MICAL3: variants seen among roughly 807,000 people sequenced by gnomAD.
MICAL3 encodes the protein microtubule associated monooxygenase, calponin and LIM domain containing 3, also known as [F-actin]-monooxygenase MICAL3.
MICAL3 carries 62 observed loss-of-function variants against 207.4 expected under a neutral mutation model. The ratio of observed to expected loss-of-function variants is 0.30; its 90% CI spans 0.24 to 0.37. The LOEUF (loss-of-function observed/expected upper bound fraction) is 0.37. MICAL3 is among the 10% of genes least tolerant of loss of function. MICAL3 has a pLI of 1.00. For synonymous variants in MICAL3, 1,077 were observed against 1,069.3 expected (o/e 1.01, Z -0.14); for missense variants, 2,368 against 2,635.6 (o/e 0.90, Z 2.22).
At chr22:17,878,019 A>AT (rs1056485518) in intron 16 of MICAL3, among the ~76,000 whole-genome samples, 4 of 151,950 alleles carry the variant, frequency 2.6e-5, no homozygotes, top group South Asian at 2.1e-4. Flanking sequence ...TGCCTGGCTA[A>AT]TTTTTTTGTA....
intron 29 of MICAL3, among the ~76,000 whole-genome samples, chr22:17,801,314 G>A (rs2061937174): frequency 9.6e-6 from 1 of 104,496 alleles, no homozygotes; most frequent in South Asian, 3.1e-4. Context: ...CACTACGCCC[G>A]GCTAATTTTT....
chr22:18,014,116 GACAC>G (rs35404796), intron 1 of MICAL3, among the ~76,000 whole-genome samples: 3 of 148,022 alleles, frequency 2.0e-5, no homozygotes, highest in Admixed American at 6.8e-5. Flanking sequence ...CCCTCTCTTA[GACAC>G]ACACACACAC....
In MICAL3 at chr22:17,788,183, C is replaced by G. The variant is rs1398567713; in HGVS notation, c.*2549G>C. The stretch of plus-strand genomic sequence containing the variant: ...CAAACTAGTGGTTACAAAATGGGAG[C>G]TTTAAAAAAAGTGCTCTACTAGAAC... On this transcript the variant is annotated 3_prime_UTR_variant, in exon 32 of 32. Coordinates refer to ENST00000441493, the MANE Select transcript of MICAL3 (RefSeq NM_015241.3). 2.0e-5 allele frequency: 3 copies of G among 152,258 alleles called. No individual in the cohort carries two copies. Among genetic ancestry groups the G allele is most frequent in the African/African-American group, 7.2e-5 (3 of 41,468 alleles). The allele number at this position is 152,258 out of a possible 1,614,324, so 9.4% of individuals were successfully genotyped here. A position where few individuals can be genotyped will look rare whatever the true frequency, so the allele number is the denominator to read the frequency against.
intron 20 of MICAL3, chr22:17,834,464 C>T (rs185422321): frequency 1.3e-5 from 17 of 1,280,480 alleles, no homozygotes; most frequent in African/African-American, 1.1e-4. Flanking sequence ...ATCTGTGATC[C>T]CAGCACTGTG....
rs202083939 is a variant in MICAL3, at chr22:17,872,830, C to T, written c.2242-807G>A. ...ATCTGCTCAGCCAATGAGCTCACTC[C>T]GCCCGTGTACATCTTTATATACTTC... is the stretch of plus-strand genomic sequence containing the variant. On this transcript the variant is annotated intron_variant, in intron 16 of 31. Coordinates refer to ENST00000441493, the MANE Select transcript of MICAL3 (RefSeq NM_015241.3). 7.2e-4 allele frequency: 1,161 copies of T among 1,611,260 alleles called. 1 individual carries two copies. Among genetic ancestry groups the T allele is most frequent in the Non-Finnish European group, 8.8e-4 (1,034 of 1,177,432 alleles).
chr22:17,951,063 G>A (rs1349843828), intron 1 of MICAL3, among the ~76,000 whole-genome samples: 1 of 152,208 alleles, frequency 6.6e-6, no homozygotes, highest in African/African-American at 2.4e-5. Context: ...TCTCCAACTG[G>A]GCATCTGGTG....
At chr22:17,826,386 A>G in intron 22 of MICAL3, 1 of 876,314 alleles carries the variant, frequency 1.1e-6, no homozygotes, top group Non-Finnish European at 1.4e-6. Context: ...TCTAGTGTTA[A>G]GGTACCAGCA....
chr22:17,902,635 A>C lies in MICAL3; in HGVS notation c.585T>G (p.Asn195Lys), dbSNP rs774318915. ...GLIQPPEDQE[N>K]ERIGWRALVH... Reference sequence around the variant, plus strand: ...CACTCCTCCAGTATAACTTACGTTCATTCTCTTGGTCCTCAGGAGGCTGTA... The same window carrying C: ...CACTCCTCCAGTATAACTTACGTTCCTTCTCTTGGTCCTCAGGAGGCTGTA... The change falls in exon 4 of 32, where the codon AAT (asparagine) becomes AAG (lysine). Residue 195 changes from asparagine (N) to lysine (K), a missense_variant. By Grantham distance (94) the Asn-to-Lys change is moderately conservative (BLOSUM62 0). Around this residue, in one of 4 missense-constraint regions of MICAL3, gnomAD observed 400 missense variants for 547.0 expected, o/e 0.73. Transcript: ENST00000441493. This position sits in a 1 kb window ranked among gnomAD's most constrained non-coding sequence, Gnocchi z 4.5. 9 of 1,579,858 alleles carry C rather than the reference A, an allele frequency of 5.7e-6. No homozygotes were observed. The South Asian group carries it at 9.1e-5, about 16-fold the overall frequency.
At chr22:17,923,840 T>C (rs1240094146) in intron 1 of MICAL3, among the ~76,000 whole-genome samples, 1 of 152,248 alleles carries the variant, frequency 6.6e-6, no homozygotes, top group East Asian at 1.9e-4. Flanking sequence ...TCTGTGTTAG[T>C]CCATTCTCAT....
intron 7 of MICAL3, among the ~76,000 whole-genome samples, chr22:17,898,368 T>C (rs1350659270): frequency 6.6e-6 from 1 of 152,244 alleles, no homozygotes; most frequent in Non-Finnish European, 1.5e-5. Context: ...GAAAGTGGGC[T>C]GTATAAACAG....
At chr22:17,843,521 C>T (rs1924286998) in intron 19 of MICAL3, among the ~76,000 whole-genome samples, 1 of 152,172 alleles carries the variant, frequency 6.6e-6, no homozygotes, top group African/African-American at 2.4e-5. Context: ...CCTCAGAGCT[C>T]GTTTCCTGAT....
intron 1 of MICAL3, among the ~76,000 whole-genome samples, chr22:18,012,110 C>CT (rs1427171167): frequency 1.3e-5 from 2 of 152,074 alleles, no homozygotes; most frequent in African/African-American, 4.8e-5. Context: ...TGGCGGGAGC[C>CT]TATAATCCCA....
At chr22:17,894,189 A>G (rs192765156) in intron 10 of MICAL3, among the ~76,000 whole-genome samples, 97 of 152,178 alleles carry the variant, frequency 6.4e-4, no homozygotes, top group African/African-American at 2.0e-3. Context: ...AGGCCAGCAG[A>G]TGGCTTAAGG....
intron 19 of MICAL3, chr22:17,860,049 A>G: frequency 3.0e-6 from 1 of 328,618 alleles, no homozygotes; most frequent in Non-Finnish European, 4.4e-6. Context: ...CCGGAGTGGG[A>G]GTCCTGAGCC....
Position 17,791,300 on chromosome 22 carries a change from G to T in MICAL3, c.5652C>A (p.Gly1884=). The T allele has an allele frequency of 6.2e-7, 1 of 1,612,784 alleles. No homozygotes were observed. The highest frequency in any genetic ancestry group is 8.5e-7 in the Non-Finnish European group (1 of 1,179,368). Residue 1884 remains glycine, a splice_region_variant and synonymous_variant, in exon 30 of 32, where the codon GGC becomes GGA. Transcript: ENST00000441493. ...AVEKALRGEA[G]MGKKDDPKLM... ...GCTTGGGGTCGTCCTTCTTGCCCAT[G>T]CCTGCCGAGAGAACGCTTGTGTCGG... is the stretch of plus-strand genomic sequence containing the variant.
chr22:17,913,636 T>C (rs1932280334), intron 1 of MICAL3, among the ~76,000 whole-genome samples: 1 of 152,170 alleles, frequency 6.6e-6, no homozygotes, highest in Non-Finnish European at 1.5e-5. Context: ...AGATAGCCTC[T>C]GGGTTCTCTT....
rs191289365 is a variant in MICAL3 at position 17,928,414 on chromosome 22, G to A, written c.-74-21528C>T. ...AGATTGCACCACTGCACACCAGCCT[G>A]GGCGAAACAGCAAGACTCCGTCTCA... On this transcript the variant is annotated intron_variant, in intron 1 of 31. Coordinates refer to ENST00000441493, the MANE Select transcript of MICAL3 (RefSeq NM_015241.3). Among the ~76,000 whole-genome samples, 451 of 151,342 alleles carry A rather than the reference G, an allele frequency of 3.0e-3. 2 individuals are homozygous for A. The highest frequency in any genetic ancestry group is 0.01 in the African/African-American group (429 of 41,010).
chr22:17,890,651 C>T (rs1179664842), intron 12 of MICAL3, among the ~76,000 whole-genome samples: 2 of 152,196 alleles, frequency 1.3e-5, no homozygotes, highest in Non-Finnish European at 1.5e-5. Flanking sequence ...CAGTTTATAA[C>T]CATCATATAA....
At chr22:17,874,376 C>T (rs1006501891) in intron 16 of MICAL3, among the ~76,000 whole-genome samples, 1 of 152,150 alleles carries the variant, frequency 6.6e-6, no homozygotes, top group African/African-American at 2.4e-5. Flanking sequence ...CAGAAAATGG[C>T]ATTTCTCTCA....
Sources: allele counts gnomAD v4.1 joint callset (sites outside exome capture counted in the v4.1 genomes callset), GRCh38; gene constraint gnomAD v4.1.1; regional missense constraint gnomAD v4.1.1; non-coding constraint Gnocchi (gnomAD v3.1); transcripts MANE v1.5; gene names NCBI Gene and HGNC (gene_info 2026-07-23, HGNC 2026-07-21).